PRKAR2B: variants seen among roughly 807,000 people sequenced by gnomAD.
PRKAR2B encodes cAMP-dependent protein kinase type II-beta regulatory subunit.
Under a neutral mutation model 49.9 loss-of-function variants are expected in PRKAR2B, and 14 were observed. That is an observed-to-expected ratio of 0.28 (90% confidence interval 0.19 to 0.44). The LOEUF is 0.44. PRKAR2B is among the 20% of genes least tolerant of loss of function. PRKAR2B has a pLI of 1.00. For synonymous variants in PRKAR2B, 196 were observed against 197.7 expected, an observed-to-expected ratio of 0.99 and a Z score of 0.07; for missense variants, 393 against 537.9, an observed-to-expected ratio of 0.73 and a Z score of 2.67.
intron 6 of PRKAR2B, 31 bp from the exon 7 acceptor site, chr7:107,150,890 TA>T: frequency 8.2e-7 from 1 of 1,220,226 alleles, no homozygotes; most frequent in Admixed American, 2.1e-5. Flanking sequence ...TTTACCCCCA[TA>T]AAATTTACCC....
intron 1 of PRKAR2B, 26 bp downstream of exon 1, chr7:107,045,240 G>A: frequency 7.2e-7 from 1 of 1,397,534 alleles, no homozygotes; most frequent in Non-Finnish European, 9.3e-7. Context: ...CCCACTTCGC[G>A]CCCCCGGATC....
At chr7:107,151,406 C>A (rs1335551663) in intron 7 of PRKAR2B, among the ~76,000 whole-genome samples, 1 of 152,146 alleles carries the variant, frequency 6.6e-6, no homozygotes, top group African/African-American at 2.4e-5. Context: ...GCTGTTTATT[C>A]CTCTTTTCTT....
intron 1 of PRKAR2B, among the ~76,000 whole-genome samples, chr7:107,048,494 T>A (rs1005994167): frequency 1.3e-5 from 2 of 152,036 alleles, no homozygotes; most frequent in Non-Finnish European, 2.9e-5. Context: ...TTATGAGAGG[T>A]TGGAGTTAAA....
intron 1 of PRKAR2B, among the ~76,000 whole-genome samples, chr7:107,062,565 T>A (rs756916045): frequency 6.6e-5 from 10 of 152,188 alleles, no homozygotes; most frequent in African/African-American, 9.6e-5. Flanking sequence ...TAGTGGGAAT[T>A]GACAGTAAGG....
At chr7:107,104,487 G>GT (rs1243754000) in intron 2 of PRKAR2B, among the ~76,000 whole-genome samples, 1 of 152,022 alleles carries the variant, frequency 6.6e-6, no homozygotes, top group Non-Finnish European at 1.5e-5. Flanking sequence ...GGGCCTCGTT[G>GT]GGGGGGTATA....
Position 107,044,850 on chromosome 7 carries a change from G to T in PRKAR2B, c.-58G>T. The T allele has an allele frequency of 6.8e-7, 1 of 1,480,196 alleles. No individual in the cohort carries two copies. The highest frequency in any genetic ancestry group is 9.0e-7 in the Non-Finnish European group (1 of 1,109,860). 91.7% of individuals were successfully genotyped at this position (1,480,196 alleles called of 1,614,324 possible). ...CTCGCTCGGCAGCCGCGGGGCCCTAGGCCGTGCCGGGGAGGGGGCGAGGGC... is the reference window on the plus strand; with the variant it reads ...CTCGCTCGGCAGCCGCGGGGCCCTATGCCGTGCCGGGGAGGGGGCGAGGGC... On this transcript the variant is annotated 5_prime_UTR_variant, in exon 1 of 11. In the 5' UTR this introduces an upstream ATG that the reference lacks. Transcript: ENST00000265717.
chr7:107,122,969 T>C (rs1463677226), intron 3 of PRKAR2B, among the ~76,000 whole-genome samples: 1 of 152,214 alleles, frequency 6.6e-6, no homozygotes, highest in East Asian at 1.9e-4. Context: ...GGAAATGATG[T>C]TGTTTTAGGA....
At chr7:107,113,810 A>G (rs1449256598) in intron 2 of PRKAR2B, among the ~76,000 whole-genome samples, 1 of 152,192 alleles carries the variant, frequency 6.6e-6, no homozygotes, top group African/African-American at 2.4e-5. Context: ...ATCTTTATCT[A>G]AGGAACACTG....
intron 2 of PRKAR2B, among the ~76,000 whole-genome samples, chr7:107,097,165 A>C (rs984506484): frequency 1.3e-5 from 2 of 152,178 alleles, no homozygotes; most frequent in Non-Finnish European, 1.5e-5. Context: ...GTAGGTCACT[A>C]AGGACTTGCT....
chr7:107,051,536 G>A (rs950083394), intron 1 of PRKAR2B, among the ~76,000 whole-genome samples: 2 of 152,040 alleles, frequency 1.3e-5, no homozygotes, highest in Non-Finnish European at 2.9e-5. Flanking sequence ...TTTTATGAGA[G>A]CGAATTTTGT....
intron 2 of PRKAR2B, among the ~76,000 whole-genome samples, chr7:107,106,761 C>A (rs1795081332): frequency 6.6e-6 from 1 of 152,048 alleles, no homozygotes; most frequent in Admixed American, 6.5e-5. Flanking sequence ...GAATCTTACA[C>A]TGGAGACCTG....
chr7:107,051,385 A>AGT (rs1326674249), intron 1 of PRKAR2B, among the ~76,000 whole-genome samples: 1 of 152,200 alleles, frequency 6.6e-6, no homozygotes, highest in Non-Finnish European at 1.5e-5. Flanking sequence ...ACAAGAATGC[A>AGT]GTGATTTTTC....
At chr7:107,128,993 A>G (rs74685724) in intron 4 of PRKAR2B, 3 of 152,298 alleles carry the variant, frequency 2.0e-5, no homozygotes, top group East Asian at 3.9e-4. Flanking sequence ...CTCTGCTGCC[A>G]TATTCCAAAT....
chr7:107,089,799 C>T (rs1337259143), intron 2 of PRKAR2B, among the ~76,000 whole-genome samples: 1 of 152,224 alleles, frequency 6.6e-6, no homozygotes, highest in South Asian at 2.1e-4. Context: ...CATTTACATT[C>T]TCTACTAGCA....
intron 5 of PRKAR2B, among the ~76,000 whole-genome samples, chr7:107,141,526 A>G (rs1795789575): frequency 6.6e-6 from 1 of 152,110 alleles, no homozygotes; most frequent in Admixed American, 6.5e-5. Context: ...CCCCGTCTCT[A>G]CTAAATACAA....
chr7:107,155,268 C>T lies in PRKAR2B; in HGVS notation c.919-1716C>T, dbSNP rs150363359. On this transcript the variant is annotated intron_variant, in intron 8 of 10. Transcript: ENST00000265717. ...TACAGTGGTAGAGAATATATTATTTCAAGGCCAGGCACAGTGGCTCACGCC... is the reference window on the plus strand; with the variant it reads ...TACAGTGGTAGAGAATATATTATTTTAAGGCCAGGCACAGTGGCTCACGCC... 5.3e-3 allele frequency among the ~76,000 whole-genome samples: 799 copies of T among 152,188 alleles called. 4 individuals are homozygous for T. Among genetic ancestry groups the T allele is most frequent in the Non-Finnish European group, 8.2e-3 (555 of 67,988 alleles).
chr7:107,101,602 GCGT>G (rs1794967092), intron 2 of PRKAR2B, among the ~76,000 whole-genome samples: 1 of 152,176 alleles, frequency 6.6e-6, no homozygotes, highest in Non-Finnish European at 1.5e-5. Context: ...CCAGGACCAA[GCGT>G]CAGGCTCTCT....
At position 107,070,289 on chromosome 7, in the gene PRKAR2B, A is replaced by G. The variant is rs748684280; in HGVS notation, c.316A>G (p.Ile106Val). ...ADAGAFNAPV[I>V]NRFTRRASVC... The stretch of plus-strand genomic sequence containing the variant: ...TCTGCTTTTTCTTTTAGCTCCAGTA[A>G]TAAACCGATTCACAAGGCGTGCCTC... Residue 106 changes from isoleucine to valine, a missense_variant, in exon 2 of 11, where the codon ATA becomes GTA. Physicochemically the swap from Ile to Val is conservative, Grantham distance 29 (BLOSUM62 3). Coordinates refer to ENST00000265717, the MANE Select transcript of PRKAR2B (RefSeq NM_002736.3). The G allele has an allele frequency of 6.2e-7, 1 of 1,608,318 alleles. No individual in the cohort carries two copies. Among genetic ancestry groups the G allele is most frequent in the Non-Finnish European group, 8.5e-7 (1 of 1,176,076 alleles).
chr7:107,154,155 T>A (rs1796038248), intron 8 of PRKAR2B, among the ~76,000 whole-genome samples: 1 of 152,208 alleles, frequency 6.6e-6, no homozygotes, highest in South Asian at 2.1e-4. Flanking sequence ...AAAGTTCTAC[T>A]GTATAAACTA....
Sources: allele counts gnomAD v4.1 joint callset (sites outside exome capture counted in the v4.1 genomes callset), GRCh38; gene constraint gnomAD v4.1.1; transcripts MANE v1.5; gene names NCBI Gene and HGNC (gene_info 2026-07-23, HGNC 2026-07-21).